The following EVI5 variants were observed in gnomAD, a reference collection of about 807,000 sequenced individuals.
EVI5 encodes the protein ecotropic viral integration site 5, also known as ecotropic viral integration site 5 protein homolog.
Under a neutral mutation model 112.0 loss-of-function variants are expected in EVI5, and 73 were observed. The observed-to-expected ratio is 0.65, with a 90% CI of 0.54 to 0.79. The LOEUF (loss-of-function observed/expected upper bound fraction) is 0.79. EVI5 is among the 30% of genes least tolerant of loss of function. EVI5 has a pLI of 0.00. For synonymous variants in EVI5, 305 were observed against 319.9 expected (o/e 0.95, Z 0.50); for missense variants, 900 against 968.8 (o/e 0.93, Z 0.94).
At chr1:92,578,724 A>G (rs1487273051) in intron 18 of EVI5, among the ~76,000 whole-genome samples, 2 of 151,914 alleles carry the variant, frequency 1.3e-5, no homozygotes, top group Admixed American at 1.3e-4. Context: ...TCTAAAAAAA[A>G]AAAAAAAAGA....
chr1:92,604,162 C>T (rs1649823613), intron 18 of EVI5, among the ~76,000 whole-genome samples: 2 of 151,760 alleles, frequency 1.3e-5, no homozygotes, highest in South Asian at 4.2e-4. Flanking sequence ...CCAGCCTGGC[C>T]AGCAAAGGGA....
intron 1 of EVI5, among the ~76,000 whole-genome samples, chr1:92,767,445 G>A (rs1327971171): frequency 6.6e-6 from 1 of 152,184 alleles, no homozygotes; most frequent in Non-Finnish European, 1.5e-5. Flanking sequence ...GGTATCACTA[G>A]TAGTCTTGGA....
In EVI5 at chr1:92,784,878, C is replaced by T. The variant is rs1685417053; in HGVS notation, c.-124G>A. The T allele has an allele frequency of 1.0e-6, 1 of 985,946 alleles. No homozygotes were observed. Among genetic ancestry groups the T allele is most frequent in the Non-Finnish European group, 1.2e-6 (1 of 830,388 alleles). 61.1% of individuals were successfully genotyped at this position (985,946 alleles called of 1,614,324 possible). ...GACTTCGCCGTAAACATTAACTTCC[C>T]ATCCAGCCGGCAGCCGCGCCGCCGC... On this transcript the variant is annotated 5_prime_UTR_variant, in exon 1 of 20. It removes an upstream start codon present in the reference 5' UTR. Transcript: ENST00000684568.
At chr1:92,703,932 C>CAAAAAAAAAAA (rs57830016) in intron 3 of EVI5, 2 of 82,012 alleles carry the variant, frequency 2.4e-5, no homozygotes, top group African/African-American at 5.4e-5. Flanking sequence ...CTGTTGAAGG[C>CAAAAAAAAAAA]AAAAAAAAAA....
chr1:92,570,475 T>C (rs1670174328), intron 18 of EVI5, among the ~76,000 whole-genome samples: 1 of 152,194 alleles, frequency 6.6e-6, no homozygotes, highest in South Asian at 2.1e-4. Context: ...GAGAAAAGTA[T>C]CTTTGAATCT....
chr1:92,682,880 G>C (rs1667845125), intron 9 of EVI5, among the ~76,000 whole-genome samples: 1 of 152,192 alleles, frequency 6.6e-6, no homozygotes, highest in Non-Finnish European at 1.5e-5. Flanking sequence ...TCTGCTAAAA[G>C]AATGTTTCCT....
At position 92,590,635 on chromosome 1, in the gene EVI5, A is replaced by G. The variant is rs541054114; in HGVS notation, c.2070+14672T>C. Among the ~76,000 whole-genome samples the G allele has an allele frequency of 1.0e-3, 152 of 152,318 alleles. 1 individual carries two copies. Among genetic ancestry groups the G allele is most frequent in the South Asian group, 4.6e-3 (22 of 4,820 alleles). On this transcript the variant is annotated intron_variant, in intron 18 of 19. Coordinates refer to ENST00000684568, the MANE Select transcript of EVI5 (RefSeq NM_001350197.2). The stretch of plus-strand genomic sequence containing the variant: ...ATGTGAAAAGACCAAATCTACGTCT[A>G]ATTGGTGTACCTGAAAGTGACGGGG...
intron 1 of EVI5, among the ~76,000 whole-genome samples, chr1:92,780,346 G>A (rs1295642822): frequency 6.6e-6 from 1 of 152,206 alleles, no homozygotes; most frequent in African/African-American, 2.4e-5. Flanking sequence ...ATACACCTGT[G>A]AGACTCCAGA....
At chr1:92,530,092 G>A (rs765201352) in intron 19 of EVI5, among the ~76,000 whole-genome samples, 1 of 152,152 alleles carries the variant, frequency 6.6e-6, no homozygotes, top group Non-Finnish European at 1.5e-5. Flanking sequence ...TGATGGTAGG[G>A]ATTATTTCTT....
At chr1:92,633,529 A>G (rs2484394) in intron 14 of EVI5, among the ~76,000 whole-genome samples, 1 of 151,978 alleles carries the variant, frequency 6.6e-6, no homozygotes, top group South Asian at 2.1e-4. Flanking sequence ...TGCTTGGTAG[A>G]TCTTCCTCCA....
intron 18 of EVI5, 82 bp from the exon 19 acceptor site, chr1:92,563,819 A>T (rs1389921573): frequency 2.6e-6 from 2 of 768,042 alleles, no homozygotes; most frequent in Non-Finnish European, 4.5e-6. Context: ...GTATAGGAAA[A>T]GCATAGGCAC....
chr1:92,776,471 T>C (rs1335020371), intron 1 of EVI5, among the ~76,000 whole-genome samples: 1 of 152,158 alleles, frequency 6.6e-6, no homozygotes, highest in African/African-American at 2.4e-5. Context: ...TCATTCACTT[T>C]ATGTTAACTA....
intron 10 of EVI5, among the ~76,000 whole-genome samples, chr1:92,673,468 A>G (rs1666211279): frequency 3.3e-5 from 5 of 152,016 alleles, no homozygotes; most frequent in Admixed American, 2.6e-4. Context: ...GGGTTACCCT[A>G]ATATAAGCTA....
chr1:92,575,636 C>T (rs1317896185), intron 18 of EVI5, among the ~76,000 whole-genome samples: 1 of 127,188 alleles, frequency 7.9e-6, no homozygotes, highest in South Asian at 2.8e-4. Context: ...GTGGCATGAT[C>T]CTGGTTAACT....
chr1:92,552,183 T>C (rs771175398), intron 19 of EVI5, among the ~76,000 whole-genome samples: 1 of 148,404 alleles, frequency 6.7e-6, no homozygotes, highest in Non-Finnish European at 1.5e-5. Flanking sequence ...ACTGGCCAAA[T>C]TTGGGACAAT....
At chr1:92,556,599 G>A (rs559567206) in intron 19 of EVI5, among the ~76,000 whole-genome samples, 21 of 152,150 alleles carry the variant, frequency 1.4e-4, no homozygotes, top group African/African-American at 5.1e-4. Context: ...TGTTAAGTGA[G>A]GACTTAATGT....
At chr1:92,559,619 C>A (rs1176312753) in intron 19 of EVI5, among the ~76,000 whole-genome samples, 1 of 151,214 alleles carries the variant, frequency 6.6e-6, no homozygotes, top group African/African-American at 2.4e-5. Flanking sequence ...TAAAAAAATG[C>A]AAAAATTAGC....
intron 14 of EVI5, among the ~76,000 whole-genome samples, chr1:92,633,695 G>A (rs74868121): frequency 6.6e-6 from 1 of 152,156 alleles, no homozygotes; most frequent in African/African-American, 2.4e-5. Flanking sequence ...ATTGTTATGT[G>A]TGAATTTGAT....
intron 16 of EVI5, among the ~76,000 whole-genome samples, chr1:92,614,908 C>T (rs1652764677): frequency 6.9e-6 from 1 of 144,186 alleles, no homozygotes; most frequent in African/African-American, 2.5e-5. Context: ...CTATATATAT[C>T]CTATTAGTTC....
Sources: allele counts gnomAD v4.1 joint callset (sites outside exome capture counted in the v4.1 genomes callset), GRCh38; gene constraint gnomAD v4.1.1; transcripts MANE v1.5; gene names NCBI Gene and HGNC (gene_info 2026-07-23, HGNC 2026-07-21).